RSRC1: variants seen among roughly 807,000 people sequenced by gnomAD.
The protein encoded by RSRC1 is serine/Arginine-related protein 53.
In RSRC1, 39 loss-of-function variants were observed where a neutral mutation model predicts 49.1. The observed-to-expected ratio is 0.79, with a 90% CI of 0.61 to 1.04. The LOEUF is 1.04. RSRC1 is among the 50% of genes least tolerant of loss of function. The pLI, the probability that RSRC1 is intolerant of heterozygous loss-of-function variation, is 0.00. For missense variants in RSRC1, 388 were observed against 402.4 expected, an observed-to-expected ratio of 0.96 and a Z score of 0.31; for synonymous variants, 143 against 130.8, an observed-to-expected ratio of 1.09 and a Z score of -0.63.
chr3:158,267,858 C>CTTTTTT lies in RSRC1; in HGVS notation c.495-30180_495-30179insTTTTTT, dbSNP rs377128391. On this transcript the variant is annotated intron_variant, in intron 4 of 9. Coordinates refer to ENST00000611884, the MANE Select transcript of RSRC1 (RefSeq NM_001271838.2). The stretch of plus-strand genomic sequence containing the variant: ...TTTCTTATGCTGTTTGTTTCCATAT[C>CTTTTTT]TATTTTTTTTTTTTTTTTTTGGCTT... Among the ~76,000 whole-genome samples, 452 of 90,942 alleles carry CTTTTTT rather than the reference C, an allele frequency of 5.0e-3. 14 individuals carry two copies. Among genetic ancestry groups the CTTTTTT allele is most frequent in the Middle Eastern group, 0.016 (2 of 126 alleles). 59.7% of individuals were successfully genotyped at this position (90,942 alleles called of 152,430 possible).
chr3:158,450,552 A>G (rs764029038), intron 6 of RSRC1, among the ~76,000 whole-genome samples: 1 of 151,980 alleles, frequency 6.6e-6, no homozygotes, highest in Non-Finnish European at 1.5e-5. Flanking sequence ...GTGAGGAATA[A>G]GAACTTAACG....
intron 4 of RSRC1, among the ~76,000 whole-genome samples, chr3:158,291,855 TA>T (rs1375132273): frequency 6.6e-6 from 1 of 152,244 alleles, no homozygotes; most frequent in Non-Finnish European, 1.5e-5. Flanking sequence ...AGACGAGATC[TA>T]AAAAATCTTA....
intron 5 of RSRC1, among the ~76,000 whole-genome samples, chr3:158,298,720 TACA>T (rs1211300696): frequency 6.6e-6 from 1 of 152,154 alleles, no homozygotes; most frequent in Non-Finnish European, 1.5e-5. Flanking sequence ...GAGTGTTTAT[TACA>T]ACATTAAGTA....
At chr3:158,507,977 A>G (rs1739944632) in intron 7 of RSRC1, among the ~76,000 whole-genome samples, 1 of 152,132 alleles carries the variant, frequency 6.6e-6, no homozygotes, top group Non-Finnish European at 1.5e-5. Flanking sequence ...GGAGGCTCAG[A>G]TGGGAGTACC....
At chr3:158,147,102 C>CTTTTTTTTT (rs35460810) in intron 3 of RSRC1, among the ~76,000 whole-genome samples, 21 of 34,732 alleles carry the variant, frequency 6.0e-4, no homozygotes, top group South Asian at 2.0e-3. Flanking sequence ...GCTTTTCTGC[C>CTTTTTTTTT]TTTTTTTTTT....
chr3:158,196,292 C>T (rs1389830268), intron 3 of RSRC1, among the ~76,000 whole-genome samples: 1 of 151,930 alleles, frequency 6.6e-6, no homozygotes, highest in Non-Finnish European at 1.5e-5. Flanking sequence ...CATGATTTGG[C>T]TCTCTGTTTG....
At chr3:158,232,365 C>G (rs1436068653) in intron 4 of RSRC1, among the ~76,000 whole-genome samples, 1 of 151,990 alleles carries the variant, frequency 6.6e-6, no homozygotes, top group African/African-American at 2.4e-5. Context: ...ATATTTTTGA[C>G]AATTCTTTTT....
chr3:158,427,454 A>C (rs1242952182), intron 6 of RSRC1, among the ~76,000 whole-genome samples: 3 of 151,766 alleles, frequency 2.0e-5, no homozygotes, highest in African/African-American at 7.3e-5. Flanking sequence ...ATACATAAAA[A>C]TAATCCTAAA....
intron 6 of RSRC1, among the ~76,000 whole-genome samples, chr3:158,416,908 A>AT (rs1048698119): frequency 1.3e-5 from 2 of 151,880 alleles, no homozygotes; most frequent in African/African-American, 4.8e-5. Flanking sequence ...GTATCTGAAG[A>AT]TTTTTTTTAA....
chr3:158,142,194 CTATTA>C (rs929152187), intron 3 of RSRC1, among the ~76,000 whole-genome samples: 205 of 152,254 alleles, frequency 1.3e-3, no homozygotes, highest in African/African-American at 4.7e-3. Context: ...TCCATTAAAT[CTATTA>C]TATTATGCTT....
At chr3:158,198,403 T>C (rs963191656) in intron 3 of RSRC1, among the ~76,000 whole-genome samples, 1 of 152,172 alleles carries the variant, frequency 6.6e-6, no homozygotes, top group Non-Finnish European at 1.5e-5. Flanking sequence ...GTGAGATGGA[T>C]TTCCTGAATA....
chr3:158,252,142 A>T (rs1470623106), intron 4 of RSRC1, among the ~76,000 whole-genome samples: 1 of 150,396 alleles, frequency 6.6e-6, no homozygotes, highest in Non-Finnish European at 1.5e-5. Context: ...GATAAATCTC[A>T]CTTGGTCATG....
At chr3:158,202,562 T>TTATATATATATA (rs56789942) in intron 3 of RSRC1, among the ~76,000 whole-genome samples, 1,234 of 91,948 alleles carry the variant, frequency 0.013, 71 homozygotes, top group East Asian at 0.033. Flanking sequence ...GTCTGGTAGA[T>TTATATATATATA]TATATATATA....
At chr3:158,398,980 T>TGTG (rs1733752513) in intron 6 of RSRC1, among the ~76,000 whole-genome samples, 1 of 146,866 alleles carries the variant, frequency 6.8e-6, no homozygotes, top group Admixed American at 6.7e-5. Context: ...GTGTTTGTAT[T>TGTG]TGTGTGTGTG....
chr3:158,287,482 A>G (rs1383952792), intron 4 of RSRC1, among the ~76,000 whole-genome samples: 3 of 152,160 alleles, frequency 2.0e-5, no homozygotes, highest in African/African-American at 7.2e-5. Context: ...AAAATCATCA[A>G]TGATTTTTAA....
chr3:158,327,830 G>C (rs1259153203), intron 5 of RSRC1, among the ~76,000 whole-genome samples: 1 of 152,026 alleles, frequency 6.6e-6, no homozygotes, highest in African/African-American at 2.4e-5. Context: ...TTGACAGTGG[G>C]GTGTTAAAGT....
chr3:158,182,626 C>CT (rs1719690997), intron 3 of RSRC1, among the ~76,000 whole-genome samples: 1 of 152,168 alleles, frequency 6.6e-6, no homozygotes, highest in South Asian at 2.1e-4. Context: ...CTGGAAAATA[C>CT]TTTGAGAGTT....
At chr3:158,385,471 T>C (rs976116551) in intron 6 of RSRC1, among the ~76,000 whole-genome samples, 1 of 152,204 alleles carries the variant, frequency 6.6e-6, no homozygotes, top group Non-Finnish European at 1.5e-5. Flanking sequence ...AGTGTAACTT[T>C]GGTAGCAGTG....
intron 3 of RSRC1, among the ~76,000 whole-genome samples, chr3:158,152,799 G>A (rs1717629071): frequency 6.6e-6 from 1 of 152,150 alleles, no homozygotes; most frequent in Non-Finnish European, 1.5e-5. Flanking sequence ...ATGACTTTTA[G>A]TTTTAACTGA....
Sources: allele counts gnomAD v4.1 joint callset (sites outside exome capture counted in the v4.1 genomes callset), GRCh38; gene constraint gnomAD v4.1.1; transcripts MANE v1.5; gene names NCBI Gene and HGNC (gene_info 2026-07-23, HGNC 2026-07-21).